The following PGR variants were observed in gnomAD, a reference collection of about 807,000 sequenced individuals.
PGR encodes the protein nuclear receptor subfamily 3 group C member 3.
In PGR, 25 loss-of-function variants were observed where a neutral mutation model predicts 76.1. The observed-to-expected ratio is 0.33, with a 90% CI of 0.24 to 0.46. The LOEUF (loss-of-function observed/expected upper bound fraction) is 0.46. Ranked by LOEUF, PGR falls within the 20% of genes least tolerant of loss-of-function variation. The pLI is 1.00. For synonymous variants in PGR, 579 were observed against 535.0 expected (o/e 1.08, Z -1.14); for missense variants, 1,172 against 1,225.3 (o/e 0.96, Z 0.65).
intron 3 of PGR, among the ~76,000 whole-genome samples, chr11:101,067,064 T>C (rs996310212): frequency 6.6e-6 from 1 of 152,176 alleles, no homozygotes; most frequent in Admixed American, 6.6e-5. Flanking sequence ...TACCCTTGCA[T>C]AGATGGTCTC....
intron 3 of PGR, among the ~76,000 whole-genome samples, chr11:101,075,758 C>A (rs1286498384): frequency 6.6e-6 from 1 of 151,956 alleles, no homozygotes; most frequent in Non-Finnish European, 1.5e-5. Flanking sequence ...CAAATCAATA[C>A]CACAATGAGA....
At position 101,033,351 on chromosome 11, in the gene PGR, CT is replaced by C; in HGVS notation, c.*5764del. 3 of 199,314 alleles carry C rather than the reference CT, an allele frequency of 1.5e-5. No individual in the cohort carries two copies. The highest frequency in any genetic ancestry group is 3.1e-5 in the Non-Finnish European group (3 of 96,422). The allele number at this position is 199,314 out of a possible 1,614,324, so 12.3% of individuals were successfully genotyped here. A position where few individuals can be genotyped will look rare whatever the true frequency, so the allele number is the denominator to read the frequency against. ...ATGTTTGTATTAACTCTCCACATAC[CT>C]TTTTTGGTTATTCTCATGAATTTTA... On this transcript the variant is annotated 3_prime_UTR_variant, in exon 8 of 8. Transcript: ENST00000325455.
intron 4 of PGR, among the ~76,000 whole-genome samples, chr11:101,057,159 A>T (rs1033594168): frequency 6.6e-6 from 1 of 152,166 alleles, no homozygotes; most frequent in African/African-American, 2.4e-5. Context: ...AGCACAAAGG[A>T]GACAAGGGAG....
At chr11:101,048,924 T>C (rs1040900109) in intron 6 of PGR, among the ~76,000 whole-genome samples, 4 of 152,076 alleles carry the variant, frequency 2.6e-5, no homozygotes, top group Admixed American at 6.6e-5. Context: ...TTTCTTTCTT[T>C]TTTTAGAGAC....
intron 2 of PGR, among the ~76,000 whole-genome samples, chr11:101,099,658 C>T (rs145884567): frequency 3.9e-5 from 6 of 152,276 alleles, no homozygotes; most frequent in East Asian, 1.9e-4. Context: ...CAGAGGGTCA[C>T]GGTCATGTCC....
At chr11:101,102,825 G>GA (rs1280734737) in intron 2 of PGR, among the ~76,000 whole-genome samples, 1 of 121,982 alleles carries the variant, frequency 8.2e-6, no homozygotes, top group Non-Finnish European at 1.6e-5. Flanking sequence ...CAGGTTTCAT[G>GA]AAAGACGAAT....
rs1190963112 is a variant in PGR at position 101,031,630 on chromosome 11, T to G, written c.*7486A>C. 1 of 218,704 alleles carries G rather than the reference T, an allele frequency of 4.6e-6. No individual in the cohort carries two copies. The highest frequency in any genetic ancestry group is 2.3e-5 in the African/African-American group (1 of 44,426). The allele number at this position is 218,704 out of a possible 1,614,324, so 13.5% of individuals were successfully genotyped here. ...TGGAGTGGGTATACCATTTTGTAATTCCACTTGATAATGGCATCTGATTAT... is the reference window on the plus strand; with the variant it reads ...TGGAGTGGGTATACCATTTTGTAATGCCACTTGATAATGGCATCTGATTAT... On this transcript the variant is annotated 3_prime_UTR_variant, in exon 8 of 8. Coordinates refer to ENST00000325455, the MANE Select transcript of PGR (RefSeq NM_000926.4).
chr11:101,057,034 C>T (rs1860320288), intron 4 of PGR, among the ~76,000 whole-genome samples: 1 of 152,122 alleles, frequency 6.6e-6, no homozygotes, highest in Admixed American at 6.5e-5. Flanking sequence ...ATTATACTTG[C>T]AATTAGGATC....
At position 101,038,421 on chromosome 11, in the gene PGR, T is replaced by A. The variant is rs1041679649; in HGVS notation, c.*695A>T. On this transcript the variant is annotated 3_prime_UTR_variant, in exon 8 of 8. Coordinates refer to ENST00000325455, the MANE Select transcript of PGR (RefSeq NM_000926.4). ...ACAATTCTCTCCCCAAAAAAGGTTA[T>A]TTTAAAAACCTACAAAACCCACAAT... The A allele has an allele frequency of 4.5e-6, 1 of 219,804 alleles. No individual in the cohort carries two copies. Among genetic ancestry groups the A allele is most frequent in the Non-Finnish European group, 9.1e-6 (1 of 109,614 alleles). The allele number at this position is 219,804 out of a possible 1,614,324, so 13.6% of individuals were successfully genotyped here. A position where few individuals can be genotyped will look rare whatever the true frequency, so the allele number is the denominator to read the frequency against.
chr11:101,052,443 T>C (rs1860128522), intron 4 of PGR, among the ~76,000 whole-genome samples: 2 of 152,056 alleles, frequency 1.3e-5, no homozygotes, highest in African/African-American at 2.4e-5. Context: ...CACAAGTCTC[T>C]CCATGTCTTC....
rs571219193 is a variant in PGR at position 101,086,799 on chromosome 11, G to A, written c.1906+4961C>T. The stretch of plus-strand genomic sequence containing the variant: ...TTTCTATACAACTATAGCATTCAAG[G>A]TGAGAGCCAAATCAAGAAAGTAATC... On this transcript the variant is annotated intron_variant, in intron 3 of 7. Coordinates refer to ENST00000325455, the MANE Select transcript of PGR (RefSeq NM_000926.4). Among the ~76,000 whole-genome samples the A allele has an allele frequency of 1.2e-4, 18 of 152,132 alleles. No homozygotes were observed. The South Asian group carries it at 3.5e-3, about 30-fold the overall frequency.
At chr11:101,053,635 C>T (rs551425654) in intron 4 of PGR, among the ~76,000 whole-genome samples, 1 of 140,538 alleles carries the variant, frequency 7.1e-6, no homozygotes, top group Admixed American at 7.1e-5. Flanking sequence ...CTTCTTCCTC[C>T]TTTCTTCCCT....
At chr11:101,067,900 C>A (rs1860778904) in intron 3 of PGR, among the ~76,000 whole-genome samples, 1 of 151,808 alleles carries the variant, frequency 6.6e-6, no homozygotes, top group African/African-American at 2.4e-5. Context: ...ACTAAAAAAT[C>A]TATTAGTGAG....
rs1448113103 is a variant in PGR, at chr11:101,031,430, G to C, written c.*7686C>G. The C allele has an allele frequency of 7.1e-5, 16 of 226,266 alleles. No homozygotes were observed. Among genetic ancestry groups the C allele is most frequent in the Non-Finnish European group, 1.8e-5 (2 of 113,772 alleles). The allele number at this position is 226,266 out of a possible 1,614,324, so 14.0% of individuals were successfully genotyped here. ...ACTAACAATTTCCTTGATGGAAATTGAATAAGGTAATCCAAAAAGAAGGCT... is the reference window on the plus strand; with the variant it reads ...ACTAACAATTTCCTTGATGGAAATTCAATAAGGTAATCCAAAAAGAAGGCT... On this transcript the variant is annotated 3_prime_UTR_variant, in exon 8 of 8. Transcript: ENST00000325455.
In PGR at chr11:101,036,254, T is replaced by C. The variant is rs1859512528; in HGVS notation, c.*2862A>G. On this transcript the variant is annotated 3_prime_UTR_variant, in exon 8 of 8. Transcript: ENST00000325455. ...TGTATAGCAATAAATTATCTTAATG[T>C]TAAATGGGAAAAAATAGCATAGCAT... 4.5e-6 allele frequency: 1 copy of C among 221,836 alleles called. No homozygotes were observed. The highest frequency in any genetic ancestry group is 1.8e-4 in the South Asian group (1 of 5,454). 13.7% of individuals were successfully genotyped at this position (221,836 alleles called of 1,614,324 possible).
rs549396109 is a variant in PGR at position 101,029,705 on chromosome 11, T to G, written c.*9411A>C. The G allele has an allele frequency of 1.9e-4, 40 of 209,054 alleles. No homozygotes were observed. The South Asian group carries it at 6.0e-3, about 31-fold the overall frequency. The allele number at this position is 209,054 out of a possible 1,614,324, so 12.9% of individuals were successfully genotyped here. ...CACAATATTTTTAAAGAAAACATTA[T>G]GTGAAGATGATTCATTTCAAACCAC... is the stretch of plus-strand genomic sequence containing the variant. On this transcript the variant is annotated 3_prime_UTR_variant, in exon 8 of 8. Transcript: ENST00000325455.
chr11:101,085,015 A>AGTCTTCT (rs1242416008), intron 3 of PGR, among the ~76,000 whole-genome samples: 10 of 152,334 alleles, frequency 6.6e-5, no homozygotes, highest in Non-Finnish European at 1.3e-4. Context: ...GGGGACTGAT[A>AGTCTTCT]GCATTAGATC....
At chr11:101,051,675 A>G in intron 4 of PGR, 107 bp from the exon 5 acceptor site, 1 of 777,718 alleles carries the variant, frequency 1.3e-6, no homozygotes. Flanking sequence ...GGGTAATAAA[A>G]TGTTTTCAAT....
intron 3 of PGR, among the ~76,000 whole-genome samples, chr11:101,072,160 G>A (rs953136920): frequency 1.3e-5 from 2 of 152,140 alleles, no homozygotes; most frequent in Non-Finnish European, 2.9e-5. Context: ...AGAAGAGAGT[G>A]GAGGCCAATA....
Sources: gnomAD v4.1 joint callset for allele counts (sites outside exome capture counted in the v4.1 genomes callset) on GRCh38, gnomAD v4.1.1 for gene constraint, MANE v1.5 for transcripts, NCBI Gene and HGNC (gene_info 2026-07-23, HGNC 2026-07-21) for gene names.